The following SIK3 variants were observed in gnomAD, a reference collection of about 807,000 sequenced individuals.
The protein encoded by SIK3 is serine/threonine-protein kinase SIK3.
A neutral mutation model predicts 144.2 loss-of-function variants in SIK3; 28 were observed. That is an observed-to-expected ratio of 0.19 (90% CI 0.14 to 0.27). SIK3 has a LOEUF of 0.27. Ranked by LOEUF, SIK3 falls within the 10% of genes least tolerant of loss-of-function variation. The probability of loss-of-function intolerance (pLI) is 1.00; values close to 1 mark genes in which losing one functional copy is unlikely to be tolerated. For synonymous variants in SIK3, 686 were observed against 676.3 expected, an observed-to-expected ratio of 1.01 and a Z score of -0.22; for missense variants, 1,319 against 1,776.0, an observed-to-expected ratio of 0.74 and a Z score of 4.62.
At chr11:116,862,145 A>G (rs1254805624) in intron 17 of SIK3, 57 bp downstream of exon 17, 39 of 1,612,870 alleles carry the variant, frequency 2.4e-5, no homozygotes, top group Non-Finnish European at 3.3e-5. Context: ...TGCACAGGCA[A>G]ATCAGCCTGA....
At chr11:117,073,500 G>A (rs1246294022) in intron 1 of SIK3, among the ~76,000 whole-genome samples, 1 of 152,130 alleles carries the variant, frequency 6.6e-6, no homozygotes, top group Admixed American at 6.5e-5. Context: ...AAGAACTTTG[G>A]ACAAGTTACC....
intron 1 of SIK3, among the ~76,000 whole-genome samples, chr11:117,016,987 A>G (rs186052509): frequency 1.8e-3 from 279 of 152,376 alleles, no homozygotes; most frequent in African/African-American, 5.7e-3. Context: ...ACAGGATGTA[A>G]GAAGCTGATA....
Position 116,859,477 on chromosome 11 carries a change from C to G in SIK3, c.2553G>C (p.Gln851His). 1 of 1,614,198 alleles carries G rather than the reference C, an allele frequency of 6.2e-7. No homozygotes were observed. The highest frequency in any genetic ancestry group is 8.5e-7 in the Non-Finnish European group (1 of 1,180,042). ...LTCLGMQQPA[Q>H]SQQVTIQVQE... ...GGACTTGGATGGTGACCTGCTGTGA[C>G]TGAGCAGGCTGCTGCATACCCAAGC... The change falls in exon 20 of 25, where the codon CAG (glutamine) becomes CAC (histidine). Residue 851 changes from glutamine to histidine, a missense_variant. Gln to His is a conservative substitution (Grantham distance 24). Transcript: ENST00000445177.
intron 2 of SIK3, among the ~76,000 whole-genome samples, chr11:116,955,665 C>T (rs540499548): frequency 1.4e-4 from 21 of 152,226 alleles, no homozygotes; most frequent in Admixed American, 5.2e-4. Flanking sequence ...ATTTATTCAG[C>T]CCATCAGGAT....
intron 4 of SIK3, among the ~76,000 whole-genome samples, chr11:116,922,363 T>C (rs928074566): frequency 6.6e-6 from 1 of 152,080 alleles, no homozygotes; most frequent in Non-Finnish European, 1.5e-5. Flanking sequence ...TGGTGGAACA[T>C]GCCTGTAGTC....
At chr11:116,928,362 T>G (rs932799363) in intron 3 of SIK3, among the ~76,000 whole-genome samples, 1 of 152,222 alleles carries the variant, frequency 6.6e-6, no homozygotes, top group African/African-American at 2.4e-5. Flanking sequence ...AAATGTCTAA[T>G]AGTCTCATGA....
intron 1 of SIK3, among the ~76,000 whole-genome samples, chr11:117,054,489 G>A (rs2089780475): frequency 6.6e-6 from 1 of 152,144 alleles, no homozygotes. Context: ...AGTGATATGA[G>A]CAGATCTACC....
At chr11:116,848,967 A>G (rs1156913819) in intron 22 of SIK3, among the ~76,000 whole-genome samples, 153 bp downstream of exon 22, 1 of 152,210 alleles carries the variant, frequency 6.6e-6, no homozygotes, top group Non-Finnish European at 1.5e-5. Flanking sequence ...CATCTCAAAA[A>G]AGAAAAAAAA....
At chr11:116,989,036 A>C (rs1456468317) in intron 1 of SIK3, among the ~76,000 whole-genome samples, 1 of 152,132 alleles carries the variant, frequency 6.6e-6, no homozygotes, top group African/African-American at 2.4e-5. Context: ...TACAATAAGT[A>C]AAGGAGTATT....
At chr11:117,008,733 T>G (rs990942019) in intron 1 of SIK3, among the ~76,000 whole-genome samples, 7 of 152,300 alleles carry the variant, frequency 4.6e-5, no homozygotes, top group Admixed American at 3.3e-4. Context: ...TTTGGTTAAA[T>G]AATGAATAAT....
intron 4 of SIK3, among the ~76,000 whole-genome samples, chr11:116,921,760 G>A (rs1946992321): frequency 6.6e-6 from 1 of 152,166 alleles, no homozygotes; most frequent in Non-Finnish European, 1.5e-5. Context: ...AGACAGGTTT[G>A]CTACTGCCAT....
intron 1 of SIK3, chr11:117,035,824 T>A: frequency 6.5e-7 from 1 of 1,538,608 alleles, no homozygotes. Flanking sequence ...TGAAGGAACA[T>A]CCTTCTGTAA....
Position 116,872,585 on chromosome 11 carries a change from C to T in SIK3, c.1737+896G>A, listed in dbSNP as rs1944024213. ...ATGATAAGGTAAGTACAGAAATCAA[C>T]AAAAGGCTTTCAGAAACTTTTAGCA... On this transcript the variant is annotated intron_variant, in intron 13 of 24. Coordinates refer to ENST00000445177, the MANE Select transcript of SIK3 (RefSeq NM_001366686.3). 1.3e-5 allele frequency among the ~76,000 whole-genome samples: 2 copies of T among 152,212 alleles called. 1 individual carries two copies. The highest frequency in any genetic ancestry group is 4.2e-4 in the South Asian group (2 of 4,818).
intron 4 of SIK3, among the ~76,000 whole-genome samples, chr11:116,902,258 A>G (rs920686636): frequency 9.8e-5 from 15 of 152,340 alleles, no homozygotes; most frequent in Middle Eastern, 3.4e-3. Flanking sequence ...TTCGCCTATA[A>G]GCAGATAAAA....
chr11:116,860,049 A>G (rs1288606328), intron 19 of SIK3, among the ~76,000 whole-genome samples: 1 of 152,198 alleles, frequency 6.6e-6, no homozygotes, highest in Non-Finnish European at 1.5e-5. Flanking sequence ...GTTCGAGACC[A>G]GCCTGGCCAC....
chr11:116,958,271 T>C (rs1475694437), intron 1 of SIK3, among the ~76,000 whole-genome samples: 1 of 152,232 alleles, frequency 6.6e-6, no homozygotes, highest in Non-Finnish European at 1.5e-5. Flanking sequence ...TTTGGAGCCA[T>C]ACGTGGCAGA....
chr11:116,991,989 A>AG (rs1196018555), intron 1 of SIK3, among the ~76,000 whole-genome samples: 1 of 152,126 alleles, frequency 6.6e-6, no homozygotes, highest in Non-Finnish European at 1.5e-5. Context: ...ACACCAAAAA[A>AG]GGGGGTAAAT....
intron 1 of SIK3, among the ~76,000 whole-genome samples, chr11:116,997,591 A>G (rs1448533802): frequency 1.1e-4 from 16 of 152,230 alleles, no homozygotes; most frequent in Non-Finnish European, 5.9e-5. Flanking sequence ...TTGATTCAGA[A>G]AAAGTTTATG....
At chr11:117,032,203 A>C (rs1275606900) in intron 1 of SIK3, among the ~76,000 whole-genome samples, 1 of 152,184 alleles carries the variant, frequency 6.6e-6, no homozygotes, top group Admixed American at 6.5e-5. Flanking sequence ...ATCTACAAAA[A>C]ATCTTCCTGG....
Sources: allele counts gnomAD v4.1 joint callset (sites outside exome capture counted in the v4.1 genomes callset), GRCh38; gene constraint gnomAD v4.1.1; transcripts MANE v1.5; gene names NCBI Gene and HGNC (gene_info 2026-07-23, HGNC 2026-07-21).